NEDD9: variants seen among roughly 807,000 people sequenced by gnomAD.
NEDD9 encodes neural precursor cell expressed, developmentally down-regulated 9.
A neutral mutation model predicts 76.6 loss-of-function variants in NEDD9; 26 were observed. The observed-to-expected ratio is 0.34, with a 90% CI of 0.25 to 0.47. The LOEUF is 0.47. Ranked by LOEUF, NEDD9 falls within the 20% of genes least tolerant of loss-of-function variation. NEDD9 has a pLI of 1.00. For synonymous variants in NEDD9, 392 were observed against 414.2 expected, an observed-to-expected ratio of 0.95 and a Z score of 0.65; for missense variants, 937 against 1,058.5, an observed-to-expected ratio of 0.89 and a Z score of 1.59.
intron 3 of NEDD9, among the ~76,000 whole-genome samples, chr6:11,299,288 G>A (rs1760980986): frequency 6.6e-6 from 1 of 152,182 alleles, no homozygotes; most frequent in East Asian, 1.9e-4. Context: ...AGGGGGGGAG[G>A]GGCATCTGCC....
intron 2 of NEDD9, among the ~76,000 whole-genome samples, chr6:11,319,765 C>A (rs1252424804): frequency 1.3e-5 from 2 of 149,608 alleles, no homozygotes; most frequent in African/African-American, 4.9e-5. Flanking sequence ...TGCACACTAA[C>A]ATGCACACTC....
intron 1 of NEDD9, among the ~76,000 whole-genome samples, chr6:11,357,807 T>C (rs928225773): frequency 1.3e-5 from 2 of 152,142 alleles, no homozygotes; most frequent in Non-Finnish European, 2.9e-5. Context: ...CCTATACTTA[T>C]GGAGAAGTAA....
chr6:11,211,988 A>G (rs549478077), intron 2 of NEDD9, among the ~76,000 whole-genome samples: 2 of 130,826 alleles, frequency 1.5e-5, no homozygotes, highest in African/African-American at 5.8e-5. Context: ...GCCTCTTTCC[A>G]TGTACCCAAA....
intron 1 of NEDD9, among the ~76,000 whole-genome samples, chr6:11,224,643 G>A (rs1759251536): frequency 6.6e-6 from 1 of 152,120 alleles, no homozygotes; most frequent in Admixed American, 6.5e-5. Context: ...AAATCTCATC[G>A]ACAGATGACT....
At chr6:11,225,389 A>C (rs1414662156) in intron 1 of NEDD9, among the ~76,000 whole-genome samples, 1 of 152,228 alleles carries the variant, frequency 6.6e-6, no homozygotes, top group African/African-American at 2.4e-5. Flanking sequence ...CCAGCCTTTG[A>C]ATAAGGATCA....
chr6:11,185,027 G>T lies in NEDD9; in HGVS notation c.*135C>A. The T allele has an allele frequency of 8.7e-7, 1 of 1,154,940 alleles. No homozygotes were observed. The highest frequency in any genetic ancestry group is 1.2e-6 in the Non-Finnish European group (1 of 852,476). The allele number at this position is 1,154,940 out of a possible 1,614,324, so 71.5% of individuals were successfully genotyped here. ...CTCCCTGAATTTCTGAAAGTTGACT[G>T]ACCCATAAAATGTTAAAATATTTCA... On this transcript the variant is annotated 3_prime_UTR_variant, in exon 7 of 7. Transcript: ENST00000379446.
Position 11,191,199 on chromosome 6 carries a change from C to A in NEDD9, c.670G>T (p.Ala224Ser), listed in dbSNP as rs147016163. ...TCCCGGCAAGCAGAGGGCGGAATGGCATATACCTGCAAAGCAAGTAGAAAG... is the reference window on the plus strand; with the variant it reads ...TCCCGGCAAGCAGAGGGCGGAATGGAATATACCTGCAAAGCAAGTAGAAAG... ...YDIPPTKGVY[A>S]IPPSACRDEA... The change falls in exon 5 of 7, where the codon GCC becomes TCC. Residue 224 changes from alanine (A) to serine (S), a missense_variant. Coordinates refer to ENST00000379446, the MANE Select transcript of NEDD9 (RefSeq NM_006403.4). The A allele has an allele frequency of 2.5e-6, 4 of 1,585,160 alleles. No individual in the cohort carries two copies. In the African/African-American group the frequency reaches 4.1e-5, roughly 16 times the overall value.
At chr6:11,257,156 G>T (rs1283290107) in intron 3 of NEDD9, among the ~76,000 whole-genome samples, 18 of 152,286 alleles carry the variant, frequency 1.2e-4, no homozygotes, top group Non-Finnish European at 4.4e-5. Context: ...TGGAGCCAGG[G>T]TTCCTCAACT....
At chr6:11,354,080 A>G (rs1762521826) in intron 1 of NEDD9, among the ~76,000 whole-genome samples, 1 of 152,266 alleles carries the variant, frequency 6.6e-6, no homozygotes, top group African/African-American at 2.4e-5. Flanking sequence ...AGACTGAAAG[A>G]ATAAAGCAAG....
chr6:11,325,226 G>A (rs1761897549), intron 2 of NEDD9, among the ~76,000 whole-genome samples: 3 of 151,948 alleles, frequency 2.0e-5, no homozygotes, highest in African/African-American at 7.3e-5. Context: ...GTGGTGCCGG[G>A]TGCCTGTAAT....
chr6:11,194,324 A>C (rs1401060642), intron 2 of NEDD9, among the ~76,000 whole-genome samples: 1 of 152,234 alleles, frequency 6.6e-6, no homozygotes, highest in Non-Finnish European at 1.5e-5. Context: ...GTAACTTATG[A>C]AAGTCCTAGA....
At chr6:11,212,077 C>T (rs1156453849) in intron 2 of NEDD9, among the ~76,000 whole-genome samples, 1 of 152,112 alleles carries the variant, frequency 6.6e-6, no homozygotes, top group Non-Finnish European at 1.5e-5. Context: ...ATAGATATTC[C>T]CTAATTTACA....
intron 1 of NEDD9, among the ~76,000 whole-genome samples, chr6:11,349,812 T>C (rs759324748): frequency 3.9e-5 from 6 of 152,174 alleles, no homozygotes; most frequent in Non-Finnish European, 8.8e-5. Context: ...AAAAAACAAC[T>C]AATGGGTACT....
At chr6:11,372,101 C>T (rs1393090227) in intron 1 of NEDD9, among the ~76,000 whole-genome samples, 3 of 152,090 alleles carry the variant, frequency 2.0e-5, no homozygotes, top group Non-Finnish European at 4.4e-5. Context: ...GACTTGTACT[C>T]ATTATCTATC....
chr6:11,301,202 G>A (rs1202056206), intron 3 of NEDD9, among the ~76,000 whole-genome samples: 1 of 152,100 alleles, frequency 6.6e-6, no homozygotes, highest in Non-Finnish European at 1.5e-5. Context: ...GCAAAAAAAA[G>A]CAGGGGTTAC....
At chr6:11,268,655 G>C (rs1760244377) in intron 3 of NEDD9, among the ~76,000 whole-genome samples, 1 of 151,952 alleles carries the variant, frequency 6.6e-6, no homozygotes, top group African/African-American at 2.4e-5. Flanking sequence ...TTGAACCCAG[G>C]AGGCGGAGGT....
rs539190129 is a variant in NEDD9 at position 11,274,883 on chromosome 6, C to T, written c.12+31109G>A. Among the ~76,000 whole-genome samples, 7 of 152,276 alleles carry T rather than the reference C, an allele frequency of 4.6e-5. 1 individual carries two copies. The highest frequency in any genetic ancestry group is 4.6e-4 in the Admixed American group (7 of 15,294). ...TTCTGGTCTAGATATATACACACTT[C>T]TAGGTACAAATCTAAAGAAATGAAA... On this transcript the variant is annotated intron_variant, in intron 3 of 3. Coordinates refer to the NEDD9 transcript ENST00000397378.
At chr6:11,367,361 A>C (rs1256238239) in intron 1 of NEDD9, among the ~76,000 whole-genome samples, 1 of 152,184 alleles carries the variant, frequency 6.6e-6, no homozygotes, top group East Asian at 1.9e-4. Context: ...AAATGTTTGA[A>C]ATTTAGGGAG....
intron 2 of NEDD9, among the ~76,000 whole-genome samples, chr6:11,317,939 C>G (rs1169807546): frequency 6.6e-6 from 1 of 152,174 alleles, no homozygotes; most frequent in Non-Finnish European, 1.5e-5. Context: ...GGGCCTTGTT[C>G]AATCAGTTGA....
Sources: gnomAD v4.1 joint callset for allele counts (sites outside exome capture counted in the v4.1 genomes callset) on GRCh38, gnomAD v4.1.1 for gene constraint, MANE v1.5 for transcripts, NCBI Gene and HGNC (gene_info 2026-07-23, HGNC 2026-07-21) for gene names.